Variants in USP32 observed in about 807,000 individuals in gnomAD.
USP32 encodes ubiquitin specific peptidase 32, also known as ubiquitin carboxyl-terminal hydrolase 32.
In USP32, 59 loss-of-function variants were observed where a neutral mutation model predicts 204.8. The ratio of observed to expected loss-of-function variants is 0.29; its 90% CI spans 0.23 to 0.36. USP32 has a LOEUF of 0.36. Ranked by LOEUF, USP32 falls within the 10% of genes least tolerant of loss-of-function variation. USP32 has a pLI of 1.00. For synonymous variants in USP32, 517 were observed against 678.4 expected (o/e 0.76, Z 3.70); for missense variants, 1,160 against 1,946.4 (o/e 0.60, Z 7.60).
chr17:60,392,140 T>C (rs2089851759), upstream of USP32: 3 of 545,092 alleles, frequency 5.5e-6, no homozygotes, highest in Non-Finnish European at 9.6e-6. Flanking sequence ...CACGTGACTC[T>C]TCCGCCCCGC....
At chr17:60,326,282 T>A (rs1386431623) in intron 2 of USP32, among the ~76,000 whole-genome samples, 2 of 151,524 alleles carry the variant, frequency 1.3e-5, no homozygotes, top group South Asian at 2.1e-4. Context: ...TGATTTCGGG[T>A]CCTTATTTGA....
intron 9 of USP32, chr17:60,256,931 G>A (rs146924167): frequency 2.7e-6 from 1 of 364,382 alleles, no homozygotes; most frequent in African/African-American, 2.2e-5. Context: ...CCAACAACGT[G>A]ATTTCATCAT....
rs758528054 is a variant in USP32, at chr17:60,368,991, A to ATTTTTTTT, written c.58+22883_58+22890dup. On this transcript the variant is annotated intron_variant, in intron 1 of 33. Coordinates refer to ENST00000300896, the MANE Select transcript of USP32 (RefSeq NM_032582.4). ...ACATACACGAATTATTTTTTAAAAG[A>ATTTTTTTT]TTTTTTTTTTTTTTTTTTTTTGAGA... Among the ~76,000 whole-genome samples the ATTTTTTTT allele has an allele frequency of 2.7e-4, 31 of 114,128 alleles. 4 individuals carry two copies. Among genetic ancestry groups the ATTTTTTTT allele is most frequent in the African/African-American group, 1.5e-3 (30 of 19,582 alleles). The allele number at this position is 114,128 out of a possible 152,430, so 74.9% of individuals were successfully genotyped here.
chr17:60,240,493 GGAGAGA>G (rs60249054), intron 11 of USP32, among the ~76,000 whole-genome samples: 3 of 146,354 alleles, frequency 2.0e-5, no homozygotes, highest in Admixed American at 6.8e-5. Context: ...GAGAAAAAAG[GGAGAGA>G]GAGAGAGAGA....
intron 9 of USP32, chr17:60,258,492 A>G (rs2086372209): frequency 6.4e-6 from 1 of 156,640 alleles, no homozygotes; most frequent in African/African-American, 2.4e-5. Context: ...CCTTTGACCA[A>G]TCTGCATCAG....
chr17:60,234,994 A>G (rs2085683711), intron 12 of USP32, among the ~76,000 whole-genome samples: 1 of 152,170 alleles, frequency 6.6e-6, no homozygotes, highest in Admixed American at 6.5e-5. Flanking sequence ...TACCCTCCCC[A>G]AATTTCTTTA....
At chr17:60,329,052 C>G (rs1598252613) in intron 2 of USP32, among the ~76,000 whole-genome samples, 1 of 152,152 alleles carries the variant, frequency 6.6e-6, no homozygotes, top group Non-Finnish European at 1.5e-5. Context: ...GCGCCACCAG[C>G]CACACGTTTC....
upstream of USP32, chr17:60,392,266 G>A (rs1330579441): frequency 9.7e-6 from 4 of 410,380 alleles, no homozygotes; most frequent in South Asian, 2.7e-5. Flanking sequence ...CGAGGGTCAC[G>A]GGACCCGAGG....
At chr17:60,244,778 C>T (rs770981756) in intron 11 of USP32, among the ~76,000 whole-genome samples, 16 of 152,162 alleles carry the variant, frequency 1.1e-4, no homozygotes, top group South Asian at 2.1e-4. Flanking sequence ...GTTACAGGCA[C>T]GCACCACCAC....
At chr17:60,211,340 C>A in intron 20 of USP32, 36 bp downstream of exon 20, 1 of 1,591,998 alleles carries the variant, frequency 6.3e-7, no homozygotes, top group Non-Finnish European at 8.5e-7. Context: ...ATATCAAAGT[C>A]ACAGGTTAAG....
chr17:60,223,691 T>C (rs1369143924), intron 13 of USP32, 105 bp from the exon 14 acceptor site: 1 of 932,618 alleles, frequency 1.1e-6, no homozygotes, highest in Non-Finnish European at 1.5e-6. Flanking sequence ...TCTGTTGACA[T>C]GTCAGTACAG....
intron 2 of USP32, among the ~76,000 whole-genome samples, chr17:60,319,739 C>T (rs1320697081): frequency 6.6e-6 from 1 of 152,036 alleles, no homozygotes; most frequent in Non-Finnish European, 1.5e-5. Context: ...AAGATAGCGC[C>T]ACTGCACTCC....
chr17:60,320,865 G>A (rs547109861), intron 2 of USP32, among the ~76,000 whole-genome samples: 1 of 152,236 alleles, frequency 6.6e-6, no homozygotes, highest in African/African-American at 2.4e-5. Flanking sequence ...CAGGAACTAG[G>A]ACCTGGAGAT....
At chr17:60,342,025 C>A (rs2088671705) in intron 2 of USP32, among the ~76,000 whole-genome samples, 1 of 152,132 alleles carries the variant, frequency 6.6e-6, no homozygotes. Flanking sequence ...TCTGGTTTCT[C>A]CCCATCTTTG....
chr17:60,377,565 T>A (rs925188848), intron 1 of USP32, among the ~76,000 whole-genome samples: 1 of 152,218 alleles, frequency 6.6e-6, no homozygotes, highest in African/African-American at 2.4e-5. Flanking sequence ...CCTGCTGTCG[T>A]CTGTGTACAT....
rs1279452568 is a variant in USP32 at position 60,265,426 on chromosome 17, G to A, written c.976C>T (p.His326Tyr). The change falls in exon 9 of 34, where the codon CAT becomes TAT. Residue 326 changes from histidine to tyrosine, a missense_variant. This residue lies in a region of USP32 where 536 missense variants were observed against 680.9 expected (regional missense o/e 0.79). Coordinates refer to ENST00000300896, the MANE Select transcript of USP32 (RefSeq NM_032582.4). ...SDIVEGILNA[H>Y]DTTKMGHLTL... The stretch of plus-strand genomic sequence containing the variant: ...TCTAGACTCACCTTTGTGGTGTCAT[G>A]TGCATTCAGTATGCCTTCTACAATA... 1.2e-6 allele frequency: 2 copies of A among 1,605,180 alleles called. No individual in the cohort carries two copies. The highest frequency in any genetic ancestry group is 1.3e-5 in the African/African-American group (1 of 74,674).
chr17:60,207,176 T>C, intron 24 of USP32, 44 bp from the exon 25 acceptor site: 5 of 1,579,992 alleles, frequency 3.2e-6, no homozygotes, highest in Non-Finnish European at 4.3e-6. Context: ...ATGTTTCAGA[T>C]AAAATGGAAA....
chr17:60,366,262 G>A (rs961755275), intron 1 of USP32, among the ~76,000 whole-genome samples: 51 of 152,172 alleles, frequency 3.4e-4, no homozygotes, highest in Middle Eastern at 3.4e-3. Context: ...GAGTTCAAGC[G>A]ATTCTCCTGC....
intron 1 of USP32, among the ~76,000 whole-genome samples, chr17:60,401,318 C>T (rs2089933593): frequency 1.3e-5 from 2 of 151,354 alleles, no homozygotes; most frequent in East Asian, 2.0e-4. Context: ...TGCAGTGAGC[C>T]GAGATCGCGC....
Sources: gnomAD v4.1 joint callset for allele counts (sites outside exome capture counted in the v4.1 genomes callset) on GRCh38, gnomAD v4.1.1 for gene constraint, gnomAD v4.1.1 regional missense constraint, MANE v1.5 for transcripts, NCBI Gene and HGNC (gene_info 2026-07-23, HGNC 2026-07-21) for gene names.